SHROOM4: variants seen among roughly 807,000 people sequenced by gnomAD.
The protein encoded by SHROOM4 is protein Shroom4.
In SHROOM4, 17 loss-of-function variants were observed where a neutral mutation model predicts 80.3. That is an observed-to-expected ratio of 0.21 (90% CI 0.14 to 0.32). The LOEUF (loss-of-function observed/expected upper bound fraction) is 0.32, where lower values mean the gene tolerates loss of function less well. SHROOM4 is among the 10% of genes least tolerant of loss of function. The pLI is 1.00. For synonymous variants in SHROOM4, 400 were observed against 437.5 expected, an observed-to-expected ratio of 0.91 and a Z score of 1.07; for missense variants, 993 against 1,140.3, an observed-to-expected ratio of 0.87 and a Z score of 1.86.
intron 1 of SHROOM4, among the ~76,000 whole-genome samples, chrX:50,712,407 T>C (rs1237686432): frequency 1.8e-5 from 2 of 111,739 alleles, no homozygotes; most frequent in Non-Finnish European, 3.8e-5. Context: ...AGTAATTTCA[T>C]TGTAAATGTT....
intron 2 of SHROOM4, among the ~76,000 whole-genome samples, chrX:50,651,424 C>A: frequency 9.3e-6 from 1 of 107,404 alleles, no homozygotes; most frequent in South Asian, 3.8e-4. Flanking sequence ...TTTTTTGCAT[C>A]CAAATTTCTA....
In SHROOM4 at chrX:50,634,743, G is replaced by T; in HGVS notation, c.1330C>A (p.Gln444Lys). 8.3e-7 allele frequency: 1 copy of T among 1,211,749 alleles called. No individual in the cohort carries two copies. Among genetic ancestry groups the T allele is most frequent in the Non-Finnish European group, 1.1e-6 (1 of 895,449 alleles). Residue 444 changes from glutamine to lysine, a missense_variant, in exon 4 of 9, where the codon CAG becomes AAG. Physicochemically the swap from Gln to Lys is moderately conservative, Grantham distance 53 (BLOSUM62 1). Transcript: ENST00000376020. ...CTGTGCAAAGGGGACAGAGTCCACT[G>T]GTGCCCATCCTGTACGGGTGGGAGC... is the stretch of plus-strand genomic sequence containing the variant. ...MELPPVQDGH[Q>K]WTLSPLHSSH...
At chrX:50,737,279 G>T (rs782360662) in intron 1 of SHROOM4, among the ~76,000 whole-genome samples, 3 of 110,451 alleles carry the variant, frequency 2.7e-5, no homozygotes, top group South Asian at 7.6e-4. Context: ...AAATACAAAA[G>T]GGGATAGTAA....
At chrX:50,764,384 A>G (rs1054341220) in intron 1 of SHROOM4, among the ~76,000 whole-genome samples, 9 of 103,903 alleles carry the variant, frequency 8.7e-5, no homozygotes, top group Admixed American at 2.0e-4. Flanking sequence ...AGTGGGGGGA[A>G]AAAGACACTG....
chrX:50,630,371 C>A (rs1457552310), intron 4 of SHROOM4, among the ~76,000 whole-genome samples: 10 of 110,733 alleles, frequency 9.0e-5, no homozygotes, highest in African/African-American at 3.3e-4. Flanking sequence ...TACAATCTGG[C>A]AGTCACTGCT....
chrX:50,754,742 A>G (rs781870969), intron 1 of SHROOM4, among the ~76,000 whole-genome samples: 14 of 112,062 alleles, frequency 1.2e-4, no homozygotes, highest in Non-Finnish European at 2.4e-4. Flanking sequence ...ATCCTCTAGT[A>G]TGTCAAATGG....
At chrX:50,715,742 T>G (rs1557264757) in intron 1 of SHROOM4, among the ~76,000 whole-genome samples, 1 of 110,427 alleles carries the variant, frequency 9.1e-6, no homozygotes, top group Non-Finnish European at 1.9e-5. Context: ...GTGGTGAGGC[T>G]TGCACAGCGG....
chrX:50,764,677 C>A (rs1935234389), intron 1 of SHROOM4, among the ~76,000 whole-genome samples: 1 of 111,572 alleles, frequency 9.0e-6, no homozygotes, highest in African/African-American at 3.3e-5. Context: ...TAATTTTCAC[C>A]AGTTAAGTGG....
chrX:50,622,337 A>G (rs1930609927), intron 5 of SHROOM4, among the ~76,000 whole-genome samples: 1 of 112,215 alleles, frequency 8.9e-6, no homozygotes, highest in Non-Finnish European at 1.9e-5. Context: ...AAAGTGAAAA[A>G]AATGGAAAGG....
At chrX:50,623,653 C>A (rs1930676847) in intron 5 of SHROOM4, among the ~76,000 whole-genome samples, 1 of 111,191 alleles carries the variant, frequency 9.0e-6, no homozygotes. Context: ...ACCATTTGGC[C>A]CAGCAATTTC....
At chrX:50,713,322 G>C (rs1933865316) in intron 1 of SHROOM4, among the ~76,000 whole-genome samples, 1 of 111,308 alleles carries the variant, frequency 9.0e-6, no homozygotes, top group Non-Finnish European at 1.9e-5. Context: ...TTTGTCACTG[G>C]GACTCAACAT....
At chrX:50,620,126 A>G (rs1276497578) in intron 5 of SHROOM4, among the ~76,000 whole-genome samples, 1 of 111,372 alleles carries the variant, frequency 9.0e-6, no homozygotes, top group Admixed American at 9.5e-5. Context: ...AACGTGGGCC[A>G]CCTCTTATTC....
Position 50,607,522 on chromosome X carries a change from G to A in SHROOM4, c.3620C>T (p.Ser1207Phe). 8.3e-7 allele frequency: 1 copy of A among 1,211,409 alleles called. No individual in the cohort carries two copies. Among genetic ancestry groups the A allele is most frequent in the Non-Finnish European group, 1.1e-6 (1 of 895,433 alleles). The stretch of plus-strand genomic sequence containing the variant: ...GAAATCACTGGAATGGAGTGCAAAG[G>A]ATTCTTGCTCTGCTGGGACACTTTG... Reference protein sequence around the residue: ...GSQSVPAEQESFALHSSDFLP... With the variant: ...GSQSVPAEQEFFALHSSDFLP... Residue 1207 changes from serine to phenylalanine, a missense_variant, in exon 6 of 9, where the codon TCC (serine) becomes TTC (phenylalanine). Physicochemically the swap from Ser to Phe is radical, Grantham distance 155 (BLOSUM62 -2). Transcript: ENST00000376020.
intron 2 of SHROOM4, among the ~76,000 whole-genome samples, chrX:50,694,419 T>C (rs1350630099): frequency 9.2e-6 from 1 of 108,823 alleles, no homozygotes; most frequent in Non-Finnish European, 1.9e-5. Context: ...AGATAATATC[T>C]CATTGTGGTT....
intron 2 of SHROOM4, among the ~76,000 whole-genome samples, chrX:50,665,160 T>A (rs781920520): frequency 9.0e-6 from 1 of 111,096 alleles, no homozygotes; most frequent in East Asian, 2.8e-4. Context: ...ACCCAACAGA[T>A]GGCTACTAAT....
intron 2 of SHROOM4, among the ~76,000 whole-genome samples, chrX:50,644,779 C>G (rs1268293412): frequency 8.9e-6 from 1 of 111,750 alleles, no homozygotes; most frequent in Non-Finnish European, 1.9e-5. Context: ...CTTTTATCAA[C>G]TGTATAGGGG....
intron 1 of SHROOM4, among the ~76,000 whole-genome samples, chrX:50,758,875 G>T (rs1043185612): frequency 2.2e-4 from 25 of 111,536 alleles, no homozygotes; most frequent in Admixed American, 1.8e-3. Flanking sequence ...TATTTCTTGA[G>T]CAGTTTTCAT....
At chrX:50,631,173 T>C (rs782674256) in intron 4 of SHROOM4, among the ~76,000 whole-genome samples, 1 of 111,365 alleles carries the variant, frequency 9.0e-6, no homozygotes, top group Non-Finnish European at 1.9e-5. Context: ...TCTAGTAACA[T>C]ATAAAAGGAT....
intron 2 of SHROOM4, among the ~76,000 whole-genome samples, chrX:50,681,138 G>A (rs1330943068): frequency 9.0e-6 from 1 of 110,931 alleles, no homozygotes; most frequent in African/African-American, 3.3e-5. Context: ...TCTCTTGCTT[G>A]AATTATTCCA....
Sources: allele counts gnomAD v4.1 joint callset (sites outside exome capture counted in the v4.1 genomes callset), GRCh38; gene constraint gnomAD v4.1.1; transcripts MANE v1.5; gene names NCBI Gene and HGNC (gene_info 2026-07-23, HGNC 2026-07-21).